Variants in TIMELESS observed in about 807,000 individuals in gnomAD.
TIMELESS encodes timeless circadian regulator, also known as protein timeless homolog.
Under a neutral mutation model 164.3 loss-of-function variants are expected in TIMELESS, and 124 were observed. The ratio of observed to expected loss-of-function variants is 0.75; its 90% CI spans 0.65 to 0.88. The LOEUF is 0.88. Among genes scored for constraint, TIMELESS ranks in the 40% least tolerant of loss-of-function variants. The probability of loss-of-function intolerance (pLI) is 0.00; values close to 1 mark genes in which losing one functional copy is unlikely to be tolerated. For missense variants in TIMELESS, 1,422 were observed against 1,491.4 expected (o/e 0.95, Z 0.77); for synonymous variants, 564 against 563.4 (o/e 1.00, Z -0.02).
In TIMELESS at chr12:56,423,360, G is replaced by A. The variant is rs749020949; in HGVS notation, c.2206C>T (p.Leu736Phe). The change falls in exon 18 of 29, where the codon CTC becomes TTC. Residue 736 changes from leucine to phenylalanine, a missense_variant. Leu to Phe is a conservative substitution (Grantham distance 22, BLOSUM62 0). Coordinates refer to ENST00000553532, the MANE Select transcript of TIMELESS (RefSeq NM_003920.5). ...TGAAAAAGTAGGGCTTCCATTTTGA[G>A]GTCATGGGCCAGCCGGTGCAGCATC... is the stretch of plus-strand genomic sequence containing the variant. ...VKMLHRLAHD[L>F]KMEALLFQLS... 6.2e-7 allele frequency: 1 copy of A among 1,614,152 alleles called. No homozygotes were observed. The highest frequency in any genetic ancestry group is 8.5e-7 in the Non-Finnish European group (1 of 1,180,042).
At position 56,425,042 on chromosome 12, in the gene TIMELESS, C is replaced by T. The variant is rs767379979; in HGVS notation, c.1689G>A (p.Leu563=). The change falls in exon 14 of 29, where the codon CTG becomes CTA. Residue 563 remains leucine (L), a synonymous_variant. Coordinates refer to ENST00000553532, the MANE Select transcript of TIMELESS (RefSeq NM_003920.5). ...PEEVEAVWPA[L]AEQLQCCAQN... is the part of the protein sequence containing the mutation. Reference sequence around the variant, plus strand: ...GGGCACAGCACTGTAGCTGCTCAGCCAGGGCTGGCCACACAGCCTCCACTT... The same window carrying T: ...GGGCACAGCACTGTAGCTGCTCAGCTAGGGCTGGCCACACAGCCTCCACTT... The T allele has an allele frequency of 6.2e-7, 1 of 1,614,224 alleles. No homozygotes were observed. Among genetic ancestry groups the T allele is most frequent in the Admixed American group, 1.7e-5 (1 of 60,026 alleles).
chr12:56,445,422 CAAAAAAA>C lies in TIMELESS; in HGVS notation c.-62+3881_-62+3887del, dbSNP rs71081360. Reference sequence around the variant, plus strand: ...GGGAAACAAGAGCGAAACTCCACGTCAAAAAAAAAAAAAAAAAAAAAAAAAAAAAAAA... The same window carrying C: ...GGGAAACAAGAGCGAAACTCCACGTCAAAAAAAAAAAAAAAAAAAAAAAAA... On this transcript the variant is annotated intron_variant, in intron 1 of 28. Coordinates refer to ENST00000553532, the MANE Select transcript of TIMELESS (RefSeq NM_003920.5). 3.2e-4 allele frequency among the ~76,000 whole-genome samples: 6 copies of C among 18,746 alleles called. No individual in the cohort carries two copies. The East Asian group carries it at 7.3e-3, about 23-fold the overall frequency. The allele number at this position is 18,746 out of a possible 152,430, so 12.3% of individuals were successfully genotyped here.
At chr12:56,442,875 A>G (rs540418049) in intron 1 of TIMELESS, among the ~76,000 whole-genome samples, 1 of 152,330 alleles carries the variant, frequency 6.6e-6, no homozygotes, top group South Asian at 2.1e-4. Flanking sequence ...CTTTACTGCA[A>G]TCTGTGAACA....
intron 26 of TIMELESS, among the ~76,000 whole-genome samples, chr12:56,420,029 A>AAAAAAAAAAATATATATATATATAT (rs1555176447): frequency 1.3e-5 from 1 of 75,190 alleles, no homozygotes; most frequent in African/African-American, 6.7e-5. Flanking sequence ...AAAAAAAAAA[A>AAAAAAAAAAATATATATATATATAT]ATATATATAT....
chr12:56,443,916 T>G (rs1042676424), intron 1 of TIMELESS, among the ~76,000 whole-genome samples: 18 of 151,242 alleles, frequency 1.2e-4, no homozygotes, highest in Non-Finnish European at 2.9e-5. Flanking sequence ...TTTTTTTTTT[T>G]GAGACAGAGT....
At chr12:56,438,011 G>C (rs1026487745) in intron 1 of TIMELESS, among the ~76,000 whole-genome samples, 1 of 151,932 alleles carries the variant, frequency 6.6e-6, no homozygotes, top group African/African-American at 2.4e-5. Context: ...CTGCTCTCTC[G>C]CTCCGAGAGT....
Position 56,422,986 on chromosome 12 carries a change from C to A in TIMELESS, c.2299G>T (p.Val767Leu), listed in dbSNP as rs370352757. The A allele has an allele frequency of 6.2e-7, 1 of 1,613,508 alleles. No homozygotes were observed. The highest frequency in any genetic ancestry group is 8.5e-7 in the Non-Finnish European group (1 of 1,179,754). Residue 767 changes from valine to leucine, a missense_variant, in exon 19 of 29, where the codon GTG becomes TTG. By Grantham distance (32) the Val-to-Leu change is conservative. Transcript: ENST00000553532. ...CCCAGGATGTATTTGGCAAAAGTCA[C>A]TAGCTCCTGTAGGAGAAGGAGGTTA... ...DPAAGAYKEL[V>L]TFAKYILGKF...
intron 1 of TIMELESS, among the ~76,000 whole-genome samples, chr12:56,442,553 T>C (rs998638636): frequency 6.6e-6 from 1 of 152,190 alleles, no homozygotes; most frequent in African/African-American, 2.4e-5. Context: ...ACTATATACA[T>C]CAGTTTGGCC....
At position 56,421,918 on chromosome 12, in the gene TIMELESS, T is replaced by C; in HGVS notation, c.2623A>G (p.Ser875Gly). The C allele has an allele frequency of 4.3e-6, 7 of 1,614,170 alleles. No homozygotes were observed. Among genetic ancestry groups the C allele is most frequent in the South Asian group, 1.1e-5 (1 of 91,084 alleles). Residue 875 changes from serine (S) to glycine (G), a missense_variant, in exon 21 of 29, where the codon AGT (serine) becomes GGT (glycine). By Grantham distance (56) the Ser-to-Gly change is moderately conservative (BLOSUM62 0). Transcript: ENST00000553532. ...HHLVQMGLAD[S>G]VKDFQRKGTH... ...CTCTACCTTTGGAAGTCCTTGACAC[T>C]GTCAGCCAGTCCCATCTGTACCAGA...
chr12:56,434,203 G>A lies in TIMELESS; in HGVS notation c.-33C>T. On this transcript the variant is annotated 5_prime_UTR_variant, in exon 2 of 29. Transcript: ENST00000553532. The stretch of plus-strand genomic sequence containing the variant: ...TGGACCAACCAACAGAGAAGGAAGT[G>A]GAGAAACAGGAGACAGAAATGATGA... 3 of 1,509,330 alleles carry A rather than the reference G, an allele frequency of 2.0e-6. No individual in the cohort carries two copies. The highest frequency in any genetic ancestry group is 2.8e-6 in the Non-Finnish European group (3 of 1,084,864). 93.5% of individuals were successfully genotyped at this position (1,509,330 alleles called of 1,614,324 possible).
chr12:56,437,339 A>G (rs2136149144), intron 1 of TIMELESS, among the ~76,000 whole-genome samples: 1 of 152,312 alleles, frequency 6.6e-6, no homozygotes, highest in African/African-American at 2.4e-5. Flanking sequence ...ATAATTCATA[A>G]AAGAAAGGAA....
Position 56,428,398 on chromosome 12 carries a change from A to G in TIMELESS, c.1416T>C (p.Ile472=), listed in dbSNP as rs761274076. 6.2e-7 allele frequency: 1 copy of G among 1,608,162 alleles called. No individual in the cohort carries two copies. Among genetic ancestry groups the G allele is most frequent in the South Asian group, 1.1e-5 (1 of 90,804 alleles). The change falls in exon 13 of 29, where the codon ATT becomes ATC. Residue 472 remains isoleucine, a synonymous_variant. Transcript: ENST00000553532. The part of the protein sequence containing the change: ...RESSRIIKNN[I]FYVMEYRELF... ...GTTCTCGGTACTCCATCACATAGAAAATATTGTCTAGGAATGGGGAAGAGA... is the reference window on the plus strand; with the variant it reads ...GTTCTCGGTACTCCATCACATAGAAGATATTGTCTAGGAATGGGGAAGAGA...
At chr12:56,448,954 T>C (rs1180609683) in intron 1 of TIMELESS, among the ~76,000 whole-genome samples, 1 of 152,170 alleles carries the variant, frequency 6.6e-6, no homozygotes, top group Admixed American at 6.5e-5. Context: ...CACACACCGG[T>C]TTTTTTCAGG....
At chr12:56,427,499 C>T (rs543571649) in intron 13 of TIMELESS, among the ~76,000 whole-genome samples, 17 of 152,136 alleles carry the variant, frequency 1.1e-4, no homozygotes, top group Admixed American at 1.0e-3. Context: ...ATCTGGAGAC[C>T]GACACGACCA....
intron 1 of TIMELESS, among the ~76,000 whole-genome samples, chr12:56,435,031 C>T (rs1882024795): frequency 6.6e-6 from 1 of 152,068 alleles, no homozygotes; most frequent in Non-Finnish European, 1.5e-5. Context: ...TACAGAGTCT[C>T]TGGAAAAAAT....
At chr12:56,436,690 A>C (rs1356608238) in intron 1 of TIMELESS, among the ~76,000 whole-genome samples, 2 of 152,170 alleles carry the variant, frequency 1.3e-5, no homozygotes, top group Admixed American at 1.3e-4. Flanking sequence ...AGAACACCGA[A>C]CAGTGGTCAG....
intron 1 of TIMELESS, among the ~76,000 whole-genome samples, chr12:56,443,532 C>CTTGCCTTGTGATCCTGCTCTGCCCTT (rs1868307389): frequency 6.6e-6 from 1 of 152,136 alleles, no homozygotes; most frequent in Admixed American, 6.6e-5. Context: ...TAATTTTGCC[C>CTTGCCTTGTGATCCTGCTCTGCCCTT]TTGCCTTGTG....
Position 56,418,133 on chromosome 12 carries a change from C to T in TIMELESS, c.3454+1G>A. 6.2e-7 allele frequency: 1 copy of T among 1,614,146 alleles called. No homozygotes were observed. The highest frequency in any genetic ancestry group is 8.5e-7 in the Non-Finnish European group (1 of 1,179,976). On this transcript the variant is annotated splice_donor_variant, in intron 27 of 28. Transcript: ENST00000553532. LOFTEE classifies it high-confidence loss of function. ...TCAGAAGATGGCTGTCGCACTATTA[C>T]CCTCTGGGGATGCCAGGCCCGCTTT...
chr12:56,422,033 C>G lies in TIMELESS; in HGVS notation c.2525-17G>C, dbSNP rs67766243. On this transcript the variant is annotated splice_polypyrimidine_tract_variant and intron_variant, in intron 20 of 28. Coordinates refer to ENST00000553532, the MANE Select transcript of TIMELESS (RefSeq NM_003920.5). ...CATCCTGCCCTGGCGTGGGGAAGGA[C>G]TAAGGCAGTAAAGAAGGTCCCACAG... The G allele has an allele frequency of 6.2e-7, 1 of 1,613,936 alleles. No individual in the cohort carries two copies. Among genetic ancestry groups the G allele is most frequent in the Non-Finnish European group, 8.5e-7 (1 of 1,179,828 alleles).
Sources: gnomAD v4.1 joint callset for allele counts (sites outside exome capture counted in the v4.1 genomes callset) on GRCh38, gnomAD v4.1.1 for gene constraint, MANE v1.5 for transcripts, NCBI Gene and HGNC (gene_info 2026-07-23, HGNC 2026-07-21) for gene names.